PI4KA: variants seen among roughly 807,000 people sequenced by gnomAD.
PI4KA encodes phosphatidylinositol 4-kinase alpha, also known as PI4-kinase alpha.
A neutral mutation model predicts 271.4 loss-of-function variants in PI4KA; 122 were observed. The observed-to-expected ratio is 0.45, with a 90% CI of 0.39 to 0.52. PI4KA has a LOEUF of 0.52. Ranked by LOEUF, PI4KA falls within the 20% of genes least tolerant of loss-of-function variation. PI4KA has a pLI of 0.00. For missense variants in PI4KA, 1,969 were observed against 2,769.1 expected (o/e 0.71, Z 6.48); for synonymous variants, 1,041 against 1,078.8 (o/e 0.96, Z 0.69).
chr22:20,797,298 T>A (rs1459066010), intron 17 of PI4KA, among the ~76,000 whole-genome samples: 1 of 151,910 alleles, frequency 6.6e-6, no homozygotes, highest in East Asian at 1.9e-4. Flanking sequence ...ACTGAAGAAC[T>A]GGAAGGATGA....
rs17819211 is a variant in PI4KA, at chr22:20,807,392, T to C, written c.1138A>G (p.Met380Val). The change falls in exon 10 of 55, where the codon ATG becomes GTG. Residue 380 changes from methionine to valine, a missense_variant. This residue lies in a region of PI4KA where 540 missense variants were observed against 555.5 expected (regional missense o/e 0.97). Transcript: ENST00000255882. ...SDPLYLTMFK[M>V]LRDTLYYMKD... is the part of the protein sequence containing the mutation. ...ATGTAGTACAGAGTGTCACGCAGCA[T>C]CTTGAACATGGTCAGGTAGAGAGGG... 2.0e-5 allele frequency: 33 copies of C among 1,612,952 alleles called. No homozygotes were observed. The African/African-American group carries it at 4.0e-4, about 20-fold the overall frequency.
chr22:20,775,283 C>T (rs555397410), intron 19 of PI4KA, among the ~76,000 whole-genome samples: 2 of 152,198 alleles, frequency 1.3e-5, no homozygotes, highest in East Asian at 3.9e-4. Context: ...TAATCACAAC[C>T]TAGTGATAGT....
chr22:20,714,480 T>G lies in PI4KA; in HGVS notation c.5439A>C (p.Gly1813=). The G allele has an allele frequency of 6.2e-7, 1 of 1,613,038 alleles. No homozygotes were observed. The highest frequency in any genetic ancestry group is 8.5e-7 in the Non-Finnish European group (1 of 1,179,286). ...YLAKFKVKRC[G]VSELEKEGLR... Reference sequence around the variant, plus strand: ...GACCTTCTTTTTCAAGTTCACTAACTCCACATCGCTTCACCTTGAACTTGG... The same window carrying G: ...GACCTTCTTTTTCAAGTTCACTAACGCCACATCGCTTCACCTTGAACTTGG... Residue 1813 remains glycine (G), a synonymous_variant, in exon 47 of 55, where the codon GGA becomes GGC. Coordinates refer to ENST00000255882, the MANE Select transcript of PI4KA (RefSeq NM_058004.4).
chr22:20,855,214 C>T (rs1325472558), intron 1 of PI4KA, among the ~76,000 whole-genome samples: 2 of 150,282 alleles, frequency 1.3e-5, no homozygotes, highest in African/African-American at 2.4e-5. Context: ...TTGTCAATTG[C>T]TTCAAAAGGA....
chr22:20,761,254 A>ACCCTAT (rs1427811925), intron 23 of PI4KA, 50 bp downstream of exon 23: 1 of 1,041,516 alleles, frequency 9.6e-7, no homozygotes, highest in Admixed American at 1.7e-5. Context: ...ACGCCTTTTT[A>ACCCTAT]CCCTATTAAA....
chr22:20,722,487 AG>A (rs1458262126), intron 42 of PI4KA, among the ~76,000 whole-genome samples: 4 of 152,164 alleles, frequency 2.6e-5, no homozygotes, highest in East Asian at 1.9e-4. Flanking sequence ...GCACCTGGCC[AG>A]GAAGTTCTTT....
At chr22:20,802,157 C>A (rs1192515485) in intron 13 of PI4KA, 52 bp from the exon 14 acceptor site, 1 of 1,549,260 alleles carries the variant, frequency 6.5e-7, no homozygotes, top group Admixed American at 1.7e-5. Flanking sequence ...CATTTTCCAT[C>A]ACCTTCTTTG....
At chr22:20,710,151 C>T (rs981092898) in intron 52 of PI4KA, 154 bp from the exon 53 acceptor site, 13 of 671,140 alleles carry the variant, frequency 1.9e-5, no homozygotes, top group African/African-American at 5.3e-5. Flanking sequence ...AGGCAACTTT[C>T]GATCTGCTGC....
At chr22:20,725,693 G>A (rs368118818) in intron 42 of PI4KA, 157 of 329,528 alleles carry the variant, frequency 4.8e-4, no homozygotes, top group African/African-American at 2.8e-3. Flanking sequence ...TCAGGAGTTT[G>A]AGACCAGCCT....
chr22:20,818,813 T>C (rs952730517), intron 6 of PI4KA, among the ~76,000 whole-genome samples: 1 of 152,236 alleles, frequency 6.6e-6, no homozygotes, highest in South Asian at 2.1e-4. Context: ...CTTTTCTCCA[T>C]GAGTCAATTA....
At position 20,841,786 on chromosome 22, in the gene PI4KA, T is replaced by C. The variant is rs145293480; in HGVS notation, c.157-3055A>G. Among the ~76,000 whole-genome samples, 1,025 of 152,186 alleles carry C rather than the reference T, an allele frequency of 6.7e-3. 4 individuals are homozygous for C. The highest frequency in any genetic ancestry group is 0.011 in the Admixed American group (164 of 15,286). ...GGCCCAGGGCAATCACAAAGGTCAT[T>C]AAAAGGAGAAGAGAGAGGCAGAAGA... On this transcript the variant is annotated intron_variant, in intron 1 of 54. Coordinates refer to ENST00000255882, the MANE Select transcript of PI4KA (RefSeq NM_058004.4).
chr22:20,709,816 G>A, intron 53 of PI4KA, 92 bp downstream of exon 53: 1 of 792,810 alleles, frequency 1.3e-6, no homozygotes, highest in South Asian at 1.4e-5. Flanking sequence ...CAACCACAGT[G>A]ACAATTACAT....
intron 1 of PI4KA, among the ~76,000 whole-genome samples, chr22:20,858,185 C>G (rs1397606465): frequency 6.6e-6 from 1 of 152,200 alleles, no homozygotes; most frequent in African/African-American, 2.4e-5. Flanking sequence ...CAGGTGAAAT[C>G]GGAAGCAGAA....
At position 20,802,166 on chromosome 22, in the gene PI4KA, T is replaced by C. The variant is rs543045735; in HGVS notation, c.1592-61A>G. The stretch of plus-strand genomic sequence containing the variant: ...GCCTATCATTTTCCATCACCTTCTT[T>C]GTAATTCAAAAACCAAGATAATATG... On this transcript the variant is annotated intron_variant, in intron 13 of 54. Transcript: ENST00000255882. The C allele has an allele frequency of 4.6e-5, 69 of 1,507,094 alleles. No individual in the cohort carries two copies. In the African/African-American group the frequency reaches 7.9e-4, roughly 17 times the overall value. The allele number at this position is 1,507,094 out of a possible 1,614,324, so 93.4% of individuals were successfully genotyped here.
chr22:20,820,492 G>C, intron 5 of PI4KA, 47 bp downstream of exon 5: 1 of 1,220,692 alleles, frequency 8.2e-7, no homozygotes, highest in Non-Finnish European at 1.2e-6. Context: ...GCAAGGGAAA[G>C]AGTAACCACA....
intron 1 of PI4KA, among the ~76,000 whole-genome samples, chr22:20,841,953 T>A: frequency 6.6e-6 from 1 of 152,068 alleles, no homozygotes. Context: ...CGGTGGCTCA[T>A]ACCTGTAATT....
At chr22:20,845,859 T>A (rs1203191311) in intron 1 of PI4KA, among the ~76,000 whole-genome samples, 1 of 151,984 alleles carries the variant, frequency 6.6e-6, no homozygotes, top group African/African-American at 2.4e-5. Context: ...AGCAGAATCC[T>A]GTCTCCAAAA....
chr22:20,763,017 T>TTGGGG (rs1555888535), intron 22 of PI4KA, among the ~76,000 whole-genome samples: 2 of 52,216 alleles, frequency 3.8e-5, no homozygotes, highest in East Asian at 5.5e-4. Flanking sequence ...CTTTTTTTTT[T>TTGGGG]GGGGGGGGGG....
intron 45 of PI4KA, 92 bp from the exon 46 acceptor site, chr22:20,714,792 A>G (rs1255956476): frequency 4.2e-6 from 6 of 1,436,044 alleles, no homozygotes; most frequent in Non-Finnish European, 5.7e-6. Flanking sequence ...ATGCGTGTCC[A>G]CCCTGCAGGC....
Sources: gnomAD v4.1 joint callset for allele counts (sites outside exome capture counted in the v4.1 genomes callset) on GRCh38, gnomAD v4.1.1 for gene constraint, gnomAD v4.1.1 regional missense constraint, MANE v1.5 for transcripts, NCBI Gene and HGNC (gene_info 2026-07-23, HGNC 2026-07-21) for gene names.